Variants in VPS8 observed in about 807,000 individuals in gnomAD.
The protein encoded by VPS8 is VPS8 subunit of CORVET complex, also known as vacuolar protein sorting-associated protein 8 homolog.
VPS8 carries 129 observed loss-of-function variants against 216.4 expected under a neutral mutation model. That is an observed-to-expected ratio of 0.60 (90% confidence interval 0.52 to 0.69). VPS8 has a LOEUF of 0.69. VPS8 is among the 30% of genes least tolerant of loss of function. VPS8 has a pLI of 0.00. For missense variants in VPS8, 1,531 were observed against 1,683.5 expected (o/e 0.91, Z 1.59); for synonymous variants, 571 against 565.4 (o/e 1.01, Z -0.14).
chr3:184,929,369 T>C (rs559549065), intron 32 of VPS8, among the ~76,000 whole-genome samples: 2 of 152,112 alleles, frequency 1.3e-5, no homozygotes, highest in South Asian at 2.1e-4. Context: ...TTTAGTTTTT[T>C]TGTAGAGACG....
Position 185,048,608 on chromosome 3 carries a change from A to G in VPS8, c.4137+49A>G, listed in dbSNP as rs377742715. ...ATTTTTATTTCCCTATTTATAGTTT[A>G]CTGCTTTAGACAGGCAGTGTCTTGG... On this transcript the variant is annotated intron_variant, in intron 47 of 47. Transcript: ENST00000625842. The G allele has an allele frequency of 8.9e-5, 143 of 1,598,074 alleles. No homozygotes were observed. The African/African-American group carries it at 1.8e-3, about 20-fold the overall frequency.
intron 40 of VPS8, chr3:184,982,351 G>A (rs1210309342): frequency 3.8e-6 from 2 of 520,878 alleles, no homozygotes; most frequent in African/African-American, 3.9e-5. Context: ...TCATGATAAA[G>A]ATGCCTGTTC....
At chr3:184,989,584 G>A (rs527731197) in intron 42 of VPS8, among the ~76,000 whole-genome samples, 2 of 151,852 alleles carry the variant, frequency 1.3e-5, no homozygotes, top group South Asian at 4.2e-4. Context: ...ATTTTTAAAT[G>A]TTGAACCAGC....
chr3:184,865,396 A>G (rs1210544027), intron 16 of VPS8, among the ~76,000 whole-genome samples: 1 of 152,244 alleles, frequency 6.6e-6, no homozygotes, highest in Non-Finnish European at 1.5e-5. Flanking sequence ...AGACACATTA[A>G]ATGCAGAGGA....
chr3:184,924,249 C>T (rs1739157373), intron 29 of VPS8, among the ~76,000 whole-genome samples: 1 of 152,324 alleles, frequency 6.6e-6, no homozygotes, highest in East Asian at 1.9e-4. Flanking sequence ...TACTCTCAAA[C>T]CTCAAAGCAG....
At position 184,975,247 on chromosome 3, in the gene VPS8, T is replaced by G. The variant is rs372798776; in HGVS notation, c.3420+3495T>G. Among the ~76,000 whole-genome samples, 576 of 152,278 alleles carry G rather than the reference T, an allele frequency of 3.8e-3. 3 individuals are homozygous for G. The highest frequency in any genetic ancestry group is 0.013 in the African/African-American group (553 of 41,580). ...CATCAGAGTTTTGTAGTTTTCCATA[T>G]AAAGGTCTTTCACCTCCTTGGTTAA... On this transcript the variant is annotated intron_variant, in intron 40 of 47. Transcript: ENST00000625842.
At chr3:184,863,812 G>T (rs1291163443) in intron 16 of VPS8, among the ~76,000 whole-genome samples, 3 of 151,982 alleles carry the variant, frequency 2.0e-5, no homozygotes, top group Non-Finnish European at 4.4e-5. Context: ...AGTAATGATG[G>T]TCATATTTAA....
At chr3:184,921,614 C>A (rs1403790483) in intron 29 of VPS8, among the ~76,000 whole-genome samples, 1 of 151,858 alleles carries the variant, frequency 6.6e-6, no homozygotes, top group Admixed American at 6.6e-5. Context: ...TGCTCTGTTG[C>A]CCAGGCTAGA....
At chr3:184,856,911 C>G (rs1263944696) in intron 14 of VPS8, among the ~76,000 whole-genome samples, 1 of 152,152 alleles carries the variant, frequency 6.6e-6, no homozygotes. Flanking sequence ...CGAGGTCTTG[C>G]GGGTCTCCAA....
At chr3:184,989,383 A>G (rs1391905806) in intron 42 of VPS8, among the ~76,000 whole-genome samples, 1 of 151,334 alleles carries the variant, frequency 6.6e-6, no homozygotes, top group Non-Finnish European at 1.5e-5. Context: ...GATTTTTCTT[A>G]TTTAGCCTGT....
At position 184,837,691 on chromosome 3, in the gene VPS8, G is replaced by A. The variant is rs185335736; in HGVS notation, c.448-1023G>A. Among the ~76,000 whole-genome samples, 7 of 152,282 alleles carry A rather than the reference G, an allele frequency of 4.6e-5. No individual in the cohort carries two copies. The East Asian group carries it at 5.8e-4, about 13-fold the overall frequency. ...CTACAGAGTTTGTTAAATAGAGTCT[G>A]TAGAGTCTGCCTTCTGAGAGATGAT... On this transcript the variant is annotated intron_variant, in intron 5 of 47. Coordinates refer to ENST00000625842, the MANE Select transcript of VPS8 (RefSeq NM_001009921.3).
intron 21 of VPS8, among the ~76,000 whole-genome samples, chr3:184,879,750 T>C (rs756153470): frequency 1.2e-4 from 19 of 152,168 alleles, no homozygotes; most frequent in Non-Finnish European, 2.2e-4. Context: ...TGTAGGAAGT[T>C]GAGTCTTTGT....
intron 33 of VPS8, among the ~76,000 whole-genome samples, chr3:184,930,172 A>G (rs1740432671): frequency 2.0e-5 from 3 of 152,218 alleles, no homozygotes; most frequent in Admixed American, 2.0e-4. Context: ...TTCTGCTGAA[A>G]TTGGGAATGT....
intron 1 of VPS8, among the ~76,000 whole-genome samples, chr3:184,817,801 G>A (rs773128944): frequency 1.3e-5 from 2 of 152,218 alleles, no homozygotes; most frequent in African/African-American, 2.4e-5. Flanking sequence ...AAGCCAGTAA[G>A]CCCAGTGATG....
At chr3:184,844,580 T>C (rs1259937435) in intron 8 of VPS8, among the ~76,000 whole-genome samples, 1 of 152,196 alleles carries the variant, frequency 6.6e-6, no homozygotes, top group East Asian at 1.9e-4. Flanking sequence ...TGGGCTAATT[T>C]TGGTATATGG....
At chr3:184,850,049 T>C in intron 10 of VPS8, 27 bp downstream of exon 10, 1 of 1,563,456 alleles carries the variant, frequency 6.4e-7, no homozygotes, top group South Asian at 1.2e-5. Context: ...CTTTTCCTAA[T>C]AATTTTTTTA....
intron 18 of VPS8, among the ~76,000 whole-genome samples, chr3:184,868,482 G>A (rs764526179): frequency 2.0e-4 from 31 of 152,134 alleles, no homozygotes; most frequent in Non-Finnish European, 3.8e-4. Context: ...GAAAAATAAA[G>A]GCTGTCTCCT....
chr3:184,842,038 T>G (rs1432798012), intron 7 of VPS8, among the ~76,000 whole-genome samples: 1 of 152,058 alleles, frequency 6.6e-6, no homozygotes, highest in African/African-American at 2.4e-5. Flanking sequence ...CAGTACTCAC[T>G]TCTCCTCACC....
In VPS8 at chr3:185,042,544, G is replaced by T. The variant is rs747047254; in HGVS notation, c.4057-5935G>T. Among the ~76,000 whole-genome samples, 8 of 152,296 alleles carry T rather than the reference G, an allele frequency of 5.3e-5. No individual in the cohort carries two copies. In the East Asian group the frequency reaches 1.5e-3, roughly 29 times the overall value. On this transcript the variant is annotated intron_variant, in intron 46 of 47. Coordinates refer to ENST00000625842, the MANE Select transcript of VPS8 (RefSeq NM_001009921.3). ...CCCGTTTGTAATGGTCCTGCTCTCT[G>T]TCCTGGCATCTCAGGATAATGATGA...
Sources: allele counts gnomAD v4.1 joint callset (sites outside exome capture counted in the v4.1 genomes callset), GRCh38; gene constraint gnomAD v4.1.1; transcripts MANE v1.5; gene names NCBI Gene and HGNC (gene_info 2026-07-23, HGNC 2026-07-21).